The following HMCN1 variants were observed in gnomAD, a reference collection of about 807,000 sequenced individuals.
HMCN1 encodes the protein hemicentin-1.
Under a neutral mutation model 625.9 loss-of-function variants are expected in HMCN1, and 321 were observed. The ratio of observed to expected loss-of-function variants is 0.51; its 90% CI spans 0.47 to 0.56. The LOEUF (loss-of-function observed/expected upper bound fraction) is 0.56, where lower values mean the gene tolerates loss of function less well. HMCN1 is among the 20% of genes least tolerant of loss of function. HMCN1 has a pLI of 0.00. For synonymous variants in HMCN1, 2,425 were observed against 2,417.6 expected (o/e 1.00, Z -0.09); for missense variants, 6,588 against 6,887.3 (o/e 0.96, Z 1.54).
At position 186,067,760 on chromosome 1, in the gene HMCN1, T is replaced by G. The variant is rs1658221186; in HGVS notation, c.7706-74T>G. The G allele has an allele frequency of 3.1e-6, 3 of 976,590 alleles. No individual in the cohort carries two copies. In the Admixed American group the frequency reaches 5.3e-5, roughly 17 times the overall value. 60.5% of individuals were successfully genotyped at this position (976,590 alleles called of 1,614,324 possible). On this transcript the variant is annotated intron_variant, in intron 49 of 106. Coordinates refer to ENST00000271588, the MANE Select transcript of HMCN1 (RefSeq NM_031935.3). ...GGGAATGAAATTATACAAATACATA[T>G]AATGGAAATTTAGAAATGCACAAAT...
At chr1:185,900,576 GC>G (rs1030360942) in intron 4 of HMCN1, among the ~76,000 whole-genome samples, 2 of 151,784 alleles carry the variant, frequency 1.3e-5, no homozygotes, top group African/African-American at 4.8e-5. Context: ...AACATATATT[GC>G]CACTAGTATT....
chr1:186,043,712 A>C (rs746710283), intron 40 of HMCN1, among the ~76,000 whole-genome samples: 1 of 152,092 alleles, frequency 6.6e-6, no homozygotes, highest in African/African-American at 2.4e-5. Context: ...GAAATCAGCT[A>C]TTCTATTTTG....
Position 186,108,504 on chromosome 1 carries a change from T to C in HMCN1, c.10896T>C (p.Thr3632=), listed in dbSNP as rs766083704. The C allele has an allele frequency of 2.0e-5, 33 of 1,614,050 alleles. No homozygotes were observed. The highest frequency in any genetic ancestry group is 5.9e-6 in the Non-Finnish European group (7 of 1,180,016). The part of the protein sequence containing the change: ...IAGTDEPRDI[T]VLRNRQVTLE... ...GAACTGATGAGCCCCGGGATATCAC[T>C]GTGTTACGGAACAGACAAGTGACAT... Residue 3632 remains threonine, a synonymous_variant, in exon 71 of 107, where the codon ACT becomes ACC. Transcript: ENST00000271588.
chr1:185,781,462 C>G (rs182519961), intron 1 of HMCN1, among the ~76,000 whole-genome samples: 1 of 152,178 alleles, frequency 6.6e-6, no homozygotes, highest in Non-Finnish European at 1.5e-5. Context: ...TTAGATCTTT[C>G]CTGCTTTCTC....
intron 15 of HMCN1, among the ~76,000 whole-genome samples, chr1:185,975,687 TAA>T (rs1207126954): frequency 4.6e-5 from 7 of 152,352 alleles, no homozygotes; most frequent in East Asian, 3.9e-4. Flanking sequence ...ATTATTTTTA[TAA>T]GTCAAATTTC....
Position 186,144,499 on chromosome 1 carries a change from G to A in HMCN1, c.14096-34G>A, listed in dbSNP as rs758826348. The stretch of plus-strand genomic sequence containing the variant: ...AGTGTAACACGATGGTTCCTAGGTA[G>A]TAAGAAAGCATGTACCTTTTTCCCT... On this transcript the variant is annotated intron_variant, in intron 90 of 106. Transcript: ENST00000271588. 20 of 1,613,976 alleles carry A rather than the reference G, an allele frequency of 1.2e-5. No homozygotes were observed. In the South Asian group the frequency reaches 2.1e-4, roughly 17 times the overall value.
At chr1:185,930,112 C>T (rs1290185272) in intron 10 of HMCN1, among the ~76,000 whole-genome samples, 1 of 152,158 alleles carries the variant, frequency 6.6e-6, no homozygotes, top group African/African-American at 2.4e-5. Flanking sequence ...TATGTATATT[C>T]TACACATGCC....
intron 49 of HMCN1, among the ~76,000 whole-genome samples, chr1:186,065,661 G>C (rs1305627445): frequency 6.6e-6 from 1 of 152,160 alleles, no homozygotes; most frequent in African/African-American, 2.4e-5. Context: ...ACACAACTCT[G>C]AATAAGATAG....
chr1:186,146,295 G>A (rs1040157806), intron 93 of HMCN1, among the ~76,000 whole-genome samples: 4 of 152,282 alleles, frequency 2.6e-5, no homozygotes, highest in Middle Eastern at 3.4e-3. Flanking sequence ...TGACATGAGC[G>A]TGGGAAGTAA....
chr1:185,991,910 G>A (rs1157547115), intron 22 of HMCN1, among the ~76,000 whole-genome samples: 1 of 152,148 alleles, frequency 6.6e-6, no homozygotes, highest in African/African-American at 2.4e-5. Flanking sequence ...GAATATAAGT[G>A]TACCTGTTTC....
chr1:185,952,828 G>C lies in HMCN1; in HGVS notation c.1829-9690G>C, dbSNP rs72483083. On this transcript the variant is annotated intron_variant, in intron 11 of 106. Coordinates refer to ENST00000271588, the MANE Select transcript of HMCN1 (RefSeq NM_031935.3). Reference sequence around the variant, plus strand: ...AAAAAGAGTAGAGACACGGAGAAGGGGTAGGGGTTTCTTGCCCTCCAGAAA... The same window carrying C: ...AAAAAGAGTAGAGACACGGAGAAGGCGTAGGGGTTTCTTGCCCTCCAGAAA... 1.3e-5 allele frequency among the ~76,000 whole-genome samples: 2 copies of C among 151,590 alleles called. 1 individual carries two copies. Among genetic ancestry groups the C allele is most frequent in the South Asian group, 4.1e-4 (2 of 4,826 alleles).
At position 185,978,930 on chromosome 1, in the gene HMCN1, A is replaced by G. The variant is rs908751663; in HGVS notation, c.2566+949A>G. On this transcript the variant is annotated intron_variant, in intron 16 of 106. Coordinates refer to ENST00000271588, the MANE Select transcript of HMCN1 (RefSeq NM_031935.3). ...TCTTGACCTCAAATGATCCACCCAC[A>G]TCGTCTTCCCAAAGTACTGGGATTG... 3.3e-5 allele frequency among the ~76,000 whole-genome samples: 5 copies of G among 152,096 alleles called. No individual in the cohort carries two copies. In the South Asian group the frequency reaches 1.0e-3, roughly 31 times the overall value.
rs181601895 is a variant in HMCN1 at position 186,174,588 on chromosome 1, C to T, written c.15889C>T (p.Arg5297Cys). 22 of 1,613,854 alleles carry T rather than the reference C, an allele frequency of 1.4e-5. No individual in the cohort carries two copies. The highest frequency in any genetic ancestry group is 2.2e-5 in the East Asian group (1 of 44,854). The change falls in exon 103 of 107, where the codon CGT becomes TGT. Residue 5297 changes from arginine to cysteine, a missense_variant. Transcript: ENST00000271588. The part of the protein sequence containing the change: ...QICENTRGSY[R>C]CVCPRGYRSQ... ...ATGTGAGAATACAAGAGGCAGCTAT[C>T]GTTGTGTATGCCCAAGAGGTTATCG...
chr1:185,936,195 A>G (rs1434263978), intron 11 of HMCN1, among the ~76,000 whole-genome samples: 4 of 152,064 alleles, frequency 2.6e-5, no homozygotes, highest in Non-Finnish European at 5.9e-5. Context: ...AGTTTTTTGT[A>G]GTAATTTTAC....
chr1:185,937,971 A>G (rs1667904275), intron 11 of HMCN1, among the ~76,000 whole-genome samples: 1 of 150,490 alleles, frequency 6.6e-6, no homozygotes, highest in South Asian at 2.1e-4. Flanking sequence ...TTTGATTTTA[A>G]AAATGCAATA....
At chr1:186,070,782 C>G (rs780870192) in intron 52 of HMCN1, 25 bp downstream of exon 52, 1 of 1,611,216 alleles carries the variant, frequency 6.2e-7, no homozygotes, top group Admixed American at 1.7e-5. Context: ...TTTTCATTTG[C>G]TGATGATTTC....
At chr1:185,970,209 T>C in intron 14 of HMCN1, 126 bp from the exon 15 acceptor site, 1 of 849,338 alleles carries the variant, frequency 1.2e-6, no homozygotes, top group Non-Finnish European at 2.0e-6. Flanking sequence ...GTCTATGTTG[T>C]GCCAAACACT....
chr1:186,151,680 G>C lies in HMCN1; in HGVS notation c.14833G>C (p.Val4945Leu), dbSNP rs763348905. Residue 4945 changes from valine to leucine, a missense_variant, in exon 95 of 107, where the codon GTC (valine) becomes CTC (leucine). Physicochemically the swap from Val to Leu is conservative, Grantham distance 32. Around this residue, in one of 3 missense-constraint regions of HMCN1, gnomAD observed 1,954 missense variants for 2,013.1 expected, o/e 0.97. Transcript: ENST00000271588. ...WTTAKEIGEA[V>L]NGFTLTNAVF... ...AACAGCAAAGGAAATAGGAGAAGCAGTCAATGGCTTTACCCTCACCAATGC... is the reference window on the plus strand; with the variant it reads ...AACAGCAAAGGAAATAGGAGAAGCACTCAATGGCTTTACCCTCACCAATGC... The C allele has an allele frequency of 9.3e-6, 15 of 1,613,464 alleles. No homozygotes were observed. The African/African-American group carries it at 1.9e-4, about 20-fold the overall frequency.
chr1:186,169,085 A>G (rs139007687), intron 100 of HMCN1, among the ~76,000 whole-genome samples: 5 of 152,270 alleles, frequency 3.3e-5, no homozygotes, highest in African/African-American at 1.2e-4. Context: ...TGTCCCTGCA[A>G]AGGACATGAA....
Sources: gnomAD v4.1 joint callset for allele counts (sites outside exome capture counted in the v4.1 genomes callset) on GRCh38, gnomAD v4.1.1 for gene constraint, gnomAD v4.1.1 regional missense constraint, MANE v1.5 for transcripts, NCBI Gene and HGNC (gene_info 2026-07-23, HGNC 2026-07-21) for gene names.